The following FRMD4A variants were observed in gnomAD, a reference collection of about 807,000 sequenced individuals.
FRMD4A encodes FERM domain containing 4A.
Under a neutral mutation model 129.1 loss-of-function variants are expected in FRMD4A, and 29 were observed. The observed-to-expected ratio is 0.22, with a 90% CI of 0.17 to 0.31. The LOEUF (loss-of-function observed/expected upper bound fraction) is 0.31. Among genes scored for constraint, FRMD4A ranks in the 10% least tolerant of loss-of-function variants. FRMD4A has a pLI of 1.00. For synonymous variants in FRMD4A, 634 were observed against 571.6 expected, an observed-to-expected ratio of 1.11 and a Z score of -1.56; for missense variants, 1,272 against 1,375.8, an observed-to-expected ratio of 0.92 and a Z score of 1.19.
At chr10:13,843,609 T>A (rs1001176130) in intron 3 of FRMD4A, among the ~76,000 whole-genome samples, 2 of 152,190 alleles carry the variant, frequency 1.3e-5, no homozygotes, top group African/African-American at 4.8e-5. Flanking sequence ...GCAGCTCTCC[T>A]GCCTCAGCCT....
chr10:13,668,226 GAGA>G (rs2083221249), intron 17 of FRMD4A: 2 of 152,246 alleles, frequency 1.3e-5, no homozygotes, highest in Non-Finnish European at 2.9e-5. Flanking sequence ...GTCTCAGAGG[GAGA>G]AGAATATCAA....
intron 2 of FRMD4A, among the ~76,000 whole-genome samples, chr10:14,199,278 CTTATTTTATTTA>C (rs1842560476): frequency 7.2e-6 from 1 of 139,512 alleles, no homozygotes; most frequent in African/African-American, 2.6e-5. Context: ...TTTTAAGTGT[CTTATTTTATTTA>C]TTTATTTATT....
At chr10:14,129,136 C>T (rs1839090224) in intron 2 of FRMD4A, among the ~76,000 whole-genome samples, 1 of 151,876 alleles carries the variant, frequency 6.6e-6, no homozygotes, top group Non-Finnish European at 1.5e-5. Context: ...TGAGAATCAA[C>T]CTTTCCATGA....
At chr10:13,723,380 T>C (rs1339578617) in intron 12 of FRMD4A, among the ~76,000 whole-genome samples, 1 of 152,236 alleles carries the variant, frequency 6.6e-6, no homozygotes, top group East Asian at 1.9e-4. Flanking sequence ...ATAACTTTGA[T>C]TCCACTTATA....
At chr10:14,268,074 C>T (rs1845040214) in intron 2 of FRMD4A, among the ~76,000 whole-genome samples, 1 of 152,078 alleles carries the variant, frequency 6.6e-6, no homozygotes, top group Non-Finnish European at 1.5e-5. Flanking sequence ...TGCCAGAGTG[C>T]TCTGGAACAT....
chr10:13,912,058 A>G (rs974875857), intron 2 of FRMD4A, among the ~76,000 whole-genome samples: 1 of 152,194 alleles, frequency 6.6e-6, no homozygotes, highest in East Asian at 1.9e-4. Flanking sequence ...CCAGTTTCCC[A>G]AAATGAATAT....
chr10:14,105,142 G>T (rs894370800), intron 2 of FRMD4A, among the ~76,000 whole-genome samples: 1 of 152,210 alleles, frequency 6.6e-6, no homozygotes, highest in Non-Finnish European at 1.5e-5. Context: ...GACCATAAGA[G>T]ATGGGTCATT....
At chr10:14,232,033 G>A (rs1471702156) in intron 2 of FRMD4A, among the ~76,000 whole-genome samples, 3 of 151,920 alleles carry the variant, frequency 2.0e-5, no homozygotes, top group Non-Finnish European at 4.4e-5. Context: ...GTACTTCCTG[G>A]GTTTTCTTCT....
chr10:14,215,635 G>A (rs946433588), intron 2 of FRMD4A, among the ~76,000 whole-genome samples: 1 of 152,006 alleles, frequency 6.6e-6, no homozygotes, highest in Non-Finnish European at 1.5e-5. Flanking sequence ...CACCGAATAC[G>A]GTGGCAAGGT....
intron 2 of FRMD4A, among the ~76,000 whole-genome samples, chr10:13,954,918 C>G (rs2095399799): frequency 6.6e-6 from 1 of 152,136 alleles, no homozygotes; most frequent in Non-Finnish European, 1.5e-5. Context: ...ATTATCGGCA[C>G]ATTATCTTTA....
intron 2 of FRMD4A, among the ~76,000 whole-genome samples, chr10:14,131,654 G>T (rs974839415): frequency 5.3e-5 from 8 of 152,048 alleles, no homozygotes; most frequent in African/African-American, 1.7e-4. Flanking sequence ...AGAGATATTT[G>T]GGCATAGACA....
intron 2 of FRMD4A, among the ~76,000 whole-genome samples, chr10:14,282,320 C>G (rs923992226): frequency 3.9e-5 from 6 of 152,168 alleles, no homozygotes; most frequent in African/African-American, 1.4e-4. Context: ...GATTTAGGCT[C>G]TGATCTAGAC....
In FRMD4A at chr10:13,673,579, T is replaced by TGC. The variant is rs558506971; in HGVS notation, c.1251+1330_1251+1331dup. Among the ~76,000 whole-genome samples the TGC allele has an allele frequency of 4.8e-4, 71 of 147,694 alleles. 1 individual carries two copies. The highest frequency in any genetic ancestry group is 2.1e-3 in the South Asian group (10 of 4,710). Reference sequence around the variant, plus strand: ...TGCACAATGCACACATGTGCATGCGTGCGCGCGCGCACACACACACACACA... The same window carrying TGC: ...TGCACAATGCACACATGTGCATGCGTGCGCGCGCGCGCACACACACACACACA... On this transcript the variant is annotated intron_variant, in intron 16 of 24. Transcript: ENST00000357447.
intron 2 of FRMD4A, among the ~76,000 whole-genome samples, chr10:14,102,734 T>C (rs560531231): frequency 6.6e-6 from 1 of 151,236 alleles, no homozygotes; most frequent in South Asian, 2.1e-4. Flanking sequence ...TGGATTTGGC[T>C]TCTAGTACAA....
At chr10:13,742,003 T>C (rs145544761) in intron 9 of FRMD4A, among the ~76,000 whole-genome samples, 1,989 of 152,212 alleles carry the variant, frequency 0.013, 44 homozygotes, top group African/African-American at 0.044. Flanking sequence ...ATTACAGGTG[T>C]GTGTCACCAC....
At chr10:13,669,958 CGGTGGACCCTACTGGTCTCTCCCCA>C (rs1281160725) in intron 17 of FRMD4A, among the ~76,000 whole-genome samples, 1 of 152,170 alleles carries the variant, frequency 6.6e-6, no homozygotes, top group African/African-American at 2.4e-5. Context: ...GACCACGGGG[CGGTGGACCCTACTGGTCTCTCCCCA>C]GCCAATGTAC....
chr10:13,754,532 T>C (rs1190262071), intron 8 of FRMD4A, among the ~76,000 whole-genome samples: 25 of 152,080 alleles, frequency 1.6e-4, no homozygotes. Context: ...TAAAGTCATT[T>C]TTAAATCATG....
intron 2 of FRMD4A, among the ~76,000 whole-genome samples, chr10:13,929,800 G>A (rs2610791): frequency 1 from 151,623 of 152,316 alleles, 75,468 homozygotes; most frequent in Middle Eastern, 1. Context: ...TTGTGAGTTT[G>A]AATCTTAGCT....
At chr10:14,146,867 A>G (rs1160881055) in intron 2 of FRMD4A, among the ~76,000 whole-genome samples, 8 of 152,214 alleles carry the variant, frequency 5.3e-5, no homozygotes, top group African/African-American at 1.7e-4. Flanking sequence ...TTCTGCACGT[A>G]ATCAGTTGAG....
Sources: gnomAD v4.1 joint callset for allele counts (sites outside exome capture counted in the v4.1 genomes callset) on GRCh38, gnomAD v4.1.1 for gene constraint, MANE v1.5 for transcripts, NCBI Gene and HGNC (gene_info 2026-07-23, HGNC 2026-07-21) for gene names.